The following RANBP2 variants were observed in gnomAD, a reference collection of about 807,000 sequenced individuals.
The protein encoded by RANBP2 is RAN binding protein 2.
In RANBP2, 57 loss-of-function variants were observed where a neutral mutation model predicts 303.6. The ratio of observed to expected loss-of-function variants is 0.19; its 90% CI spans 0.15 to 0.23. The LOEUF (loss-of-function observed/expected upper bound fraction) is 0.23. RANBP2 is among the 10% of genes least tolerant of loss of function. RANBP2 has a pLI of 1.00. For synonymous variants in RANBP2, 1,167 were observed against 1,301.5 expected (o/e 0.90, Z 2.23); for missense variants, 3,138 against 3,780.8 (o/e 0.83, Z 4.46).
the RANBP2 span, among the ~76,000 whole-genome samples, chr2:109,012,320 C>T: frequency 6.6e-6 from 1 of 152,164 alleles, no homozygotes; most frequent in Admixed American, 6.5e-5. Context: ...GGGGGGTCTC[C>T]ACACTTGGGG....
At chr2:109,052,988 C>T in the RANBP2 span, among the ~76,000 whole-genome samples, 2 of 152,158 alleles carry the variant, frequency 1.3e-5, no homozygotes, top group African/African-American at 2.4e-5. Flanking sequence ...GGGCATGGGG[C>T]GTCCCTTCCC....
the RANBP2 span, among the ~76,000 whole-genome samples, chr2:109,021,235 G>A: frequency 1.3e-5 from 2 of 152,152 alleles, no homozygotes; most frequent in Non-Finnish European, 2.9e-5. Flanking sequence ...AAAAGTGCTG[G>A]CAAAGCCATC....
the RANBP2 span, among the ~76,000 whole-genome samples, chr2:109,150,785 G>A: frequency 6.6e-6 from 1 of 152,008 alleles, no homozygotes; most frequent in African/African-American, 2.4e-5. Context: ...ATCTCACACT[G>A]TTACCTCCTT....
At chr2:109,179,621 G>C in the RANBP2 span, among the ~76,000 whole-genome samples, 1 of 152,076 alleles carries the variant, frequency 6.6e-6, no homozygotes. Flanking sequence ...TATGGTGGAG[G>C]GTATCACATG....
the RANBP2 span, among the ~76,000 whole-genome samples, chr2:109,484,948 A>C: frequency 1.3e-5 from 2 of 152,198 alleles, no homozygotes; most frequent in Admixed American, 6.5e-5. Flanking sequence ...GTGGAGTTAA[A>C]GTGTACGATT....
chr2:108,858,114 C>T, the RANBP2 span, among the ~76,000 whole-genome samples: 2,446 of 152,244 alleles, frequency 0.016, 74 homozygotes, highest in African/African-American at 0.057. Context: ...GAGGCCGAGG[C>T]GGGCAGATCA....
chr2:109,190,778 C>T, the RANBP2 span, among the ~76,000 whole-genome samples: 6 of 152,148 alleles, frequency 3.9e-5, no homozygotes, highest in Admixed American at 2.0e-4. Context: ...TGGGATCACT[C>T]ATAGGTGTTG....
chr2:109,303,505 G>A, the RANBP2 span, among the ~76,000 whole-genome samples: 1 of 152,194 alleles, frequency 6.6e-6, no homozygotes, highest in Admixed American at 6.5e-5. Context: ...TCAGGCCTAG[G>A]TAGCCAGTAA....
chr2:109,016,064 GTGT>G, the RANBP2 span, among the ~76,000 whole-genome samples: 1 of 149,972 alleles, frequency 6.7e-6, no homozygotes, highest in South Asian at 2.1e-4. Context: ...GTGGTAGGTG[GTGT>G]TATTGGTTTT....
the RANBP2 span, among the ~76,000 whole-genome samples, chr2:109,486,855 C>G: frequency 6.6e-6 from 1 of 152,206 alleles, no homozygotes; most frequent in Non-Finnish European, 1.5e-5. Context: ...GCACCTTTCT[C>G]GGCAGATCTG....
chr2:109,517,675 C>T, the RANBP2 span, among the ~76,000 whole-genome samples: 3 of 152,246 alleles, frequency 2.0e-5, no homozygotes, highest in Non-Finnish European at 2.9e-5. Flanking sequence ...GAGTTCTTTA[C>T]TGCTCCGTCC....
the RANBP2 span, among the ~76,000 whole-genome samples, chr2:109,733,937 C>T: frequency 6.6e-6 from 1 of 151,526 alleles, no homozygotes; most frequent in Non-Finnish European, 1.5e-5. Flanking sequence ...TTTGGGAGGC[C>T]GACGTGGGCC....
the RANBP2 span, among the ~76,000 whole-genome samples, chr2:109,587,933 AAC>A: frequency 6.6e-6 from 1 of 151,728 alleles, no homozygotes; most frequent in Non-Finnish European, 1.5e-5. Flanking sequence ...AACAAAAACA[AAC>A]ACACACAAAA....
chr2:109,006,122 G>A, the RANBP2 span, among the ~76,000 whole-genome samples: 1 of 152,182 alleles, frequency 6.6e-6, no homozygotes, highest in Admixed American at 6.5e-5. Context: ...GGGGAACAAT[G>A]TGAACGCGTG....
the RANBP2 span, among the ~76,000 whole-genome samples, chr2:109,491,112 G>T: frequency 6.6e-6 from 1 of 152,220 alleles, no homozygotes; most frequent in African/African-American, 2.4e-5. Context: ...GATGAAACGA[G>T]TCTGGGAACT....
At chr2:109,219,343 A>G in the RANBP2 span, among the ~76,000 whole-genome samples, 1 of 152,220 alleles carries the variant, frequency 6.6e-6, no homozygotes, top group Non-Finnish European at 1.5e-5. Flanking sequence ...TTGCCAAGTA[A>G]AATGTTAAAA....
At chr2:108,854,003 T>TATATAATATATAATAAATTTATATC in the RANBP2 span, among the ~76,000 whole-genome samples, 1 of 5,904 alleles carries the variant, frequency 1.7e-4, no homozygotes, top group East Asian at 0.015. Flanking sequence ...AAATTTATAT[T>TATATAATATATAATAAATTTATATC]ATATATAATA....
At chr2:109,123,153 C>T in the RANBP2 span, among the ~76,000 whole-genome samples, 49 of 152,210 alleles carry the variant, frequency 3.2e-4, 1 homozygote, top group South Asian at 8.3e-4. Context: ...TGTGGCCATC[C>T]TCAGAGTGCA....
the RANBP2 span, among the ~76,000 whole-genome samples, chr2:108,861,626 G>T: frequency 1.3e-5 from 2 of 151,962 alleles, no homozygotes; most frequent in Admixed American, 1.3e-4. Context: ...GACTACAGGT[G>T]CACACCGCCA....
Sources: allele counts gnomAD v4.1 joint callset (sites outside exome capture counted in the v4.1 genomes callset), GRCh38; gene constraint gnomAD v4.1.1; transcripts MANE v1.5; gene names NCBI Gene and HGNC (gene_info 2026-07-23, HGNC 2026-07-21).